The following MCMDC2 variants were observed in gnomAD, a reference collection of about 807,000 sequenced individuals.
MCMDC2 encodes minichromosome maintenance domain-containing protein 2.
A neutral mutation model predicts 75.8 loss-of-function variants in MCMDC2; 54 were observed. That is an observed-to-expected ratio of 0.71 (90% confidence interval 0.57 to 0.89). The LOEUF (loss-of-function observed/expected upper bound fraction) is 0.89. Ranked by LOEUF, MCMDC2 falls within the 40% of genes least tolerant of loss-of-function variation. The pLI, the probability that MCMDC2 is intolerant of heterozygous loss-of-function variation, is 0.00. For synonymous variants in MCMDC2, 249 were observed against 274.6 expected (o/e 0.91, Z 0.92); for missense variants, 656 against 780.4 (o/e 0.84, Z 1.90).
intron 5 of MCMDC2, 94 bp downstream of exon 5, chr8:66,877,638 G>T: frequency 1.1e-6 from 1 of 878,788 alleles, no homozygotes; most frequent in Non-Finnish European, 1.7e-6. Context: ...GCTGAGGAGG[G>T]AGGATCACCT....
chr8:66,894,513 A>G (rs1812252350), intron 10 of MCMDC2, among the ~76,000 whole-genome samples: 1 of 152,268 alleles, frequency 6.6e-6, no homozygotes, highest in Non-Finnish European at 1.5e-5. Context: ...AGTAAAATAA[A>G]AATTGTTTTG....
chr8:66,918,563 T>C (rs1482001410), intron 14 of MCMDC2, among the ~76,000 whole-genome samples: 2 of 152,328 alleles, frequency 1.3e-5, no homozygotes, highest in South Asian at 4.1e-4. Context: ...TCTTTGATCG[T>C]CCACTTAGCC....
chr8:66,897,716 T>C (rs144715021), intron 12 of MCMDC2, among the ~76,000 whole-genome samples: 34 of 152,340 alleles, frequency 2.2e-4, no homozygotes, highest in African/African-American at 7.2e-4. Flanking sequence ...ACTAACCCAT[T>C]TTAATTAATT....
chr8:66,884,061 A>G (rs1195578876), intron 9 of MCMDC2, 67 bp downstream of exon 9: 8 of 965,022 alleles, frequency 8.3e-6, no homozygotes, highest in Non-Finnish European at 1.3e-5. Context: ...CCTTTCCATG[A>G]GCATTATTAC....
chr8:66,914,816 A>T (rs141856549), intron 14 of MCMDC2, among the ~76,000 whole-genome samples: 31 of 152,304 alleles, frequency 2.0e-4, no homozygotes, highest in African/African-American at 6.5e-4. Context: ...GAAAGAAATT[A>T]GTGAATTAGA....
intron 10 of MCMDC2, among the ~76,000 whole-genome samples, chr8:66,892,012 T>C (rs1812132156): frequency 6.6e-6 from 1 of 152,192 alleles, no homozygotes; most frequent in African/African-American, 2.4e-5. Context: ...CAGGGAAGCA[T>C]GCCACAGCTC....
intron 8 of MCMDC2, among the ~76,000 whole-genome samples, chr8:66,883,478 G>A (rs766814567): frequency 7.2e-5 from 11 of 151,926 alleles, no homozygotes; most frequent in East Asian, 1.9e-4. Context: ...GCATGACCTC[G>A]AATCATAATT....
At chr8:66,905,194 A>T (rs118087380) in intron 13 of MCMDC2, 32 bp from the exon 14 acceptor site, 24,611 of 1,372,672 alleles carry the variant, frequency 0.018, 283 homozygotes, top group Non-Finnish European at 0.019. Flanking sequence ...TAATATCAAC[A>T]TATTTTCTTT....
Position 66,880,974 on chromosome 8 carries a change from G to A in MCMDC2, c.835G>A (p.Val279Ile). 2 of 1,495,050 alleles carry A rather than the reference G, an allele frequency of 1.3e-6. No individual in the cohort carries two copies. The highest frequency in any genetic ancestry group is 1.8e-6 in the Non-Finnish European group (2 of 1,126,388). The allele number at this position is 1,495,050 out of a possible 1,614,324, so 92.6% of individuals were successfully genotyped here. The change falls in exon 8 of 15, where the codon GTT (valine) becomes ATT (isoleucine). Residue 279 changes from valine to isoleucine, a missense_variant and splice_region_variant. Val to Ile is a conservative substitution (Grantham distance 29). Coordinates refer to ENST00000422365, the MANE Select transcript of MCMDC2 (RefSeq NM_173518.5). ...ANSITFCNSK[V>I]PSGISDNFRC... ...TAGCATAACTTTTTGTAATTCAAAA[G>A]GTAAGGAAAATTTTAGTATTATATA...
At chr8:66,878,450 CTG>C (rs1487067916) in intron 5 of MCMDC2, 122 bp from the exon 6 acceptor site, 11 of 885,576 alleles carry the variant, frequency 1.2e-5, no homozygotes, top group Non-Finnish European at 1.8e-5. Context: ...TAGCTACAAT[CTG>C]TGTCAGTAAT....
At chr8:66,912,823 A>T (rs1035064012) in intron 14 of MCMDC2, among the ~76,000 whole-genome samples, 9 of 152,100 alleles carry the variant, frequency 5.9e-5, no homozygotes, top group African/African-American at 1.9e-4. Flanking sequence ...TAAGAGAAAT[A>T]CCTAATGTAG....
At chr8:66,890,152 C>T (rs1187237558) in intron 9 of MCMDC2, among the ~76,000 whole-genome samples, 6 of 152,032 alleles carry the variant, frequency 3.9e-5, no homozygotes, top group South Asian at 2.1e-4. Context: ...CTGGAATGTC[C>T]GCCTCCCGGG....
rs1394179861 is a variant in MCMDC2 at position 66,921,562 on chromosome 8, A to G, written c.*2393A>G. 6.6e-6 allele frequency: 1 copy of G among 152,376 alleles called. No individual in the cohort carries two copies. The highest frequency in any genetic ancestry group is 3.4e-3 in the Middle Eastern group (1 of 294). 9.4% of individuals were successfully genotyped at this position (152,376 alleles called of 1,614,324 possible). A position where few individuals can be genotyped will look rare whatever the true frequency, so the allele number is the denominator to read the frequency against. ...AATTCTTGCCAATTTAGTCCTAGACAGACTGGTCTGCTCAGTCATTTCTCT... is the reference window on the plus strand; with the variant it reads ...AATTCTTGCCAATTTAGTCCTAGACGGACTGGTCTGCTCAGTCATTTCTCT... On this transcript the variant is annotated 3_prime_UTR_variant, in exon 15 of 15. Coordinates refer to ENST00000422365, the MANE Select transcript of MCMDC2 (RefSeq NM_173518.5).
intron 9 of MCMDC2, among the ~76,000 whole-genome samples, chr8:66,884,881 A>T (rs1811759383): frequency 6.6e-6 from 1 of 152,036 alleles, no homozygotes; most frequent in African/African-American, 2.4e-5. Context: ...GGCTCAAGTG[A>T]TCCTCCAGCC....
chr8:66,900,890 C>G (rs549393775), intron 12 of MCMDC2, among the ~76,000 whole-genome samples: 21 of 152,276 alleles, frequency 1.4e-4, no homozygotes, highest in South Asian at 1.2e-3. Context: ...TAAAGCTATT[C>G]AAAGGAAAGT....
At chr8:66,896,750 G>A (rs375302031) in intron 11 of MCMDC2, 30 bp from the exon 12 acceptor site, 45 of 1,514,666 alleles carry the variant, frequency 3.0e-5, no homozygotes, top group Non-Finnish European at 3.8e-5. Context: ...AAAGTTTAAT[G>A]TTTGCCTGTT....
Position 66,878,644 on chromosome 8 carries a change from T to C in MCMDC2, c.552T>C (p.Cys184=). 1 of 1,573,186 alleles carries C rather than the reference T, an allele frequency of 6.4e-7. No individual in the cohort carries two copies. The highest frequency in any genetic ancestry group is 1.2e-5 in the South Asian group (1 of 80,702). ...CAACGATAAGAAATGACTTTTTGTGTAATCTATGTGCATCTTCACTTCAAG... is the reference window on the plus strand; with the variant it reads ...CAACGATAAGAAATGACTTTTTGTGCAATCTATGTGCATCTTCACTTCAAG... The part of the protein sequence containing the change: ...ESATIRNDFL[C]NLCASSLQED... The change falls in exon 6 of 15, where the codon TGT becomes TGC. Residue 184 remains cysteine (C), a synonymous_variant. Transcript: ENST00000422365.
intron 14 of MCMDC2, among the ~76,000 whole-genome samples, chr8:66,913,820 C>T (rs974327792): frequency 1.3e-4 from 19 of 151,500 alleles, no homozygotes; most frequent in Non-Finnish European, 2.4e-4. Flanking sequence ...AAAAATTAGC[C>T]GGGTGTGGTG....
At position 66,885,800 on chromosome 8, in the gene MCMDC2, G is replaced by A. The variant is rs760411270; in HGVS notation, c.1073+1806G>A. On this transcript the variant is annotated intron_variant, in intron 9 of 14. Transcript: ENST00000422365. The stretch of plus-strand genomic sequence containing the variant: ...CTTCCAATCAGTTCCTATCTTCACT[G>A]GTGATTTCTGTCACCATAGATTAAT... Among the ~76,000 whole-genome samples, 15 of 152,164 alleles carry A rather than the reference G, an allele frequency of 9.9e-5. 1 individual carries two copies. Among genetic ancestry groups the A allele is most frequent in the Middle Eastern group, 3.4e-3 (1 of 294 alleles).
Sources: allele counts gnomAD v4.1 joint callset (sites outside exome capture counted in the v4.1 genomes callset), GRCh38; gene constraint gnomAD v4.1.1; transcripts MANE v1.5; gene names NCBI Gene and HGNC (gene_info 2026-07-23, HGNC 2026-07-21).